Variants in LINGO2 observed in about 807,000 individuals in gnomAD.
LINGO2 encodes the protein leucine-rich repeat and immunoglobulin-like domain-containing nogo receptor-interacting protein 2.
Under a neutral mutation model 30.6 loss-of-function variants are expected in LINGO2, and 14 were observed. That is an observed-to-expected ratio of 0.46 (90% CI 0.30 to 0.72). The LOEUF (loss-of-function observed/expected upper bound fraction) is 0.72, where lower values mean the gene tolerates loss of function less well. LINGO2 is among the 30% of genes least tolerant of loss of function. The pLI is 0.07. For missense variants in LINGO2, 729 were observed against 751.7 expected, an observed-to-expected ratio of 0.97 and a Z score of 0.35; for synonymous variants, 317 against 288.5, an observed-to-expected ratio of 1.10 and a Z score of -1.00.
chr9:29,116,233 A>G, the LINGO2 span, among the ~76,000 whole-genome samples: 1 of 152,140 alleles, frequency 6.6e-6, no homozygotes, highest in South Asian at 2.1e-4. Context: ...ACATATCTAT[A>G]CTCTATAAAA....
intron 4 of LINGO2, among the ~76,000 whole-genome samples, chr9:28,220,768 A>C (rs1436465237): frequency 6.6e-6 from 1 of 152,072 alleles, no homozygotes; most frequent in African/African-American, 2.4e-5. Flanking sequence ...TCTCCAGAAA[A>C]ATTGAGGTGT....
the LINGO2 span, among the ~76,000 whole-genome samples, chr9:28,848,279 T>TAC: frequency 3.1e-5 from 3 of 95,610 alleles, no homozygotes; most frequent in African/African-American, 1.6e-4. Context: ...ATACTATATA[T>TAC]ACACTATGCA....
chr9:28,339,632 G>A (rs956337206), intron 3 of LINGO2, among the ~76,000 whole-genome samples: 11 of 152,120 alleles, frequency 7.2e-5, no homozygotes, highest in East Asian at 5.8e-4. Context: ...AGGATCTATC[G>A]ACTGAGAAAA....
At chr9:28,517,833 T>A in intron 1 of LINGO2, among the ~76,000 whole-genome samples, 1 of 152,276 alleles carries the variant, frequency 6.6e-6, no homozygotes, top group African/African-American at 2.4e-5. Context: ...AGAAACACAA[T>A]GAAAATTCAA....
At chr9:28,480,553 G>A (rs564362123) in intron 1 of LINGO2, among the ~76,000 whole-genome samples, 22 of 152,116 alleles carry the variant, frequency 1.4e-4, no homozygotes, top group African/African-American at 5.3e-4. Flanking sequence ...TGTTGGAAGG[G>A]AAAACAAGGT....
chr9:28,465,682 A>C (rs1194956465), intron 2 of LINGO2, among the ~76,000 whole-genome samples: 1 of 152,196 alleles, frequency 6.6e-6, no homozygotes, highest in African/African-American at 2.4e-5. Context: ...CGATCCACAG[A>C]ATAGGAGAAA....
chr9:28,379,706 C>G (rs777106766), intron 2 of LINGO2, among the ~76,000 whole-genome samples: 1 of 152,012 alleles, frequency 6.6e-6, no homozygotes, highest in East Asian at 1.9e-4. Flanking sequence ...GGAAATGAAC[C>G]TGCTTTACTT....
intron 4 of LINGO2, among the ~76,000 whole-genome samples, chr9:28,237,342 C>T (rs1052438538): frequency 6.6e-6 from 1 of 151,350 alleles, no homozygotes; most frequent in African/African-American, 2.4e-5. Context: ...AGAAAAATCA[C>T]ATTTATTAAA....
chr9:29,208,127 C>A, the LINGO2 span, among the ~76,000 whole-genome samples: 1 of 151,696 alleles, frequency 6.6e-6, no homozygotes, highest in African/African-American at 2.4e-5. Context: ...CAAAATATTC[C>A]ACAAGCTAAA....
the LINGO2 span, among the ~76,000 whole-genome samples, chr9:28,740,979 G>C: frequency 6.6e-6 from 1 of 151,928 alleles, no homozygotes; most frequent in Non-Finnish European, 1.5e-5. Context: ...ACTTGGCAGG[G>C]GCATGGCCAG....
At chr9:28,764,569 G>T in the LINGO2 span, among the ~76,000 whole-genome samples, 1 of 151,980 alleles carries the variant, frequency 6.6e-6, no homozygotes, top group Non-Finnish European at 1.5e-5. Flanking sequence ...AAACCTGAAA[G>T]CTTTTCCTCT....
chr9:28,347,010 T>A (rs1209096883), intron 3 of LINGO2, among the ~76,000 whole-genome samples: 5 of 152,326 alleles, frequency 3.3e-5, no homozygotes, highest in East Asian at 1.9e-4. Flanking sequence ...TTTCTTTTGC[T>A]GTACAGAAGC....
chr9:28,839,918 C>T, the LINGO2 span, among the ~76,000 whole-genome samples: 2 of 152,172 alleles, frequency 1.3e-5, no homozygotes, highest in Admixed American at 6.5e-5. Context: ...TCAGCACCCC[C>T]TCATCCTCCC....
chr9:28,291,915 A>T (rs1587401879), intron 4 of LINGO2, among the ~76,000 whole-genome samples: 1 of 152,360 alleles, frequency 6.6e-6, no homozygotes, highest in East Asian at 1.9e-4. Context: ...CAAACTGCTA[A>T]AAACCAGAGA....
At chr9:28,264,486 A>G (rs1822675935) in intron 4 of LINGO2, among the ~76,000 whole-genome samples, 1 of 152,016 alleles carries the variant, frequency 6.6e-6, no homozygotes, top group African/African-American at 2.4e-5. Flanking sequence ...CTATTACAAT[A>G]TTTCATTCAA....
chr9:29,054,463 T>C, the LINGO2 span, among the ~76,000 whole-genome samples: 1 of 152,150 alleles, frequency 6.6e-6, no homozygotes, highest in Non-Finnish European at 1.5e-5. Context: ...TAAATATATT[T>C]CAAAGCACCA....
intron 1 of LINGO2, among the ~76,000 whole-genome samples, chr9:28,540,649 A>G (rs961625062): frequency 6.6e-6 from 1 of 152,116 alleles, no homozygotes; most frequent in African/African-American, 2.4e-5. Context: ...ACAGTTTTCA[A>G]TGTGTTTGTT....
the LINGO2 span, among the ~76,000 whole-genome samples, chr9:28,769,518 A>T: frequency 0.12 from 476 of 4,030 alleles, 60 homozygotes; most frequent in African/African-American, 0.16. Context: ...ATATATATAT[A>T]TTTTTTTTTT....
the LINGO2 span, among the ~76,000 whole-genome samples, chr9:28,896,782 A>G: frequency 1.3e-5 from 2 of 152,148 alleles, no homozygotes; most frequent in Non-Finnish European, 2.9e-5. Context: ...TGAGAATAAT[A>G]CATAATAATT....
Sources: allele counts gnomAD v4.1 joint callset (sites outside exome capture counted in the v4.1 genomes callset), GRCh38; gene constraint gnomAD v4.1.1; transcripts MANE v1.5; gene names NCBI Gene and HGNC (gene_info 2026-07-23, HGNC 2026-07-21).